DNAH7: variants seen among roughly 807,000 people sequenced by gnomAD.
DNAH7 encodes axonemal beta dynein heavy chain 7.
Under a neutral mutation model 444.6 loss-of-function variants are expected in DNAH7, and 397 were observed. The observed-to-expected ratio is 0.89, with a 90% CI of 0.82 to 0.97. DNAH7 has a LOEUF of 0.97. Among genes scored for constraint, DNAH7 ranks in the 50% least tolerant of loss-of-function variants. The pLI, the probability that DNAH7 is intolerant of heterozygous loss-of-function variation, is 0.00. For synonymous variants in DNAH7, 1,636 were observed against 1,624.4 expected (o/e 1.01, Z -0.17); for missense variants, 4,902 against 4,800.8 (o/e 1.02, Z -0.62).
chr2:195,796,760 T>C (rs1696160787), intron 55 of DNAH7, 23 bp from the exon 56 acceptor site: 4 of 1,580,882 alleles, frequency 2.5e-6, no homozygotes, highest in Non-Finnish European at 3.4e-6. Flanking sequence ...ATAGTAGAGA[T>C]GTTATTTAAA....
At chr2:195,893,304 G>C (rs1314313073) in intron 30 of DNAH7, 1 of 152,300 alleles carries the variant, frequency 6.6e-6, no homozygotes, top group Non-Finnish European at 1.5e-5. Flanking sequence ...GTGCGATCTC[G>C]GCTCACTGCA....
intron 15 of DNAH7, among the ~76,000 whole-genome samples, chr2:195,975,157 C>T (rs1025140678): frequency 6.6e-6 from 1 of 152,186 alleles, no homozygotes; most frequent in Admixed American, 6.5e-5. Flanking sequence ...AGTGAATGAT[C>T]ACAGTACCTG....
rs181023037 is a variant in DNAH7 at position 195,987,946 on chromosome 2, G to A, written c.1626+11C>T. On this transcript the variant is annotated intron_variant, in intron 13 of 64. Coordinates refer to ENST00000312428, the MANE Select transcript of DNAH7 (RefSeq NM_018897.3). ...TAGAGATAACAGTTGCACAAAACTG[G>A]AGTCATTTACCTTTATGGATGTGTA... is the stretch of plus-strand genomic sequence containing the variant. 19 of 1,580,372 alleles carry A rather than the reference G, an allele frequency of 1.2e-5. No homozygotes were observed. The East Asian group carries it at 4.3e-4, about 36-fold the overall frequency.
Position 195,855,877 on chromosome 2 carries a change from G to C in DNAH7, c.8529C>G (p.Asp2843Glu), listed in dbSNP as rs762908929. The change falls in exon 45 of 65, where the codon GAC becomes GAG. Residue 2843 changes from aspartate to glutamate, a missense_variant. Asp to Glu is a conservative substitution (Grantham distance 45). Transcript: ENST00000312428. ...GTGTGTCTTGAAGCCTGGCCAGCTT[G>C]TCCTGAACTTCCTTAAGGGCTGCCT... is the stretch of plus-strand genomic sequence containing the variant. Reference protein sequence around the residue: ...KKQAALKEVQDKLARLQDTLE... With the variant: ...KKQAALKEVQEKLARLQDTLE... 1 of 1,614,034 alleles carries C rather than the reference G, an allele frequency of 6.2e-7. No homozygotes were observed. Among genetic ancestry groups the C allele is most frequent in the East Asian group, 2.2e-5 (1 of 44,878 alleles).
intron 19 of DNAH7, among the ~76,000 whole-genome samples, chr2:195,953,346 G>C (rs1690400664): frequency 6.6e-6 from 1 of 152,154 alleles, no homozygotes; most frequent in Non-Finnish European, 1.5e-5. Flanking sequence ...GCCAGCTGGA[G>C]TTCTCCTGTA....
intron 35 of DNAH7, among the ~76,000 whole-genome samples, chr2:195,882,526 G>A (rs1192723949): frequency 2.0e-5 from 3 of 152,166 alleles, no homozygotes; most frequent in African/African-American, 7.2e-5. Flanking sequence ...GTTCAGTAGT[G>A]TTAACTACGT....
intron 64 of DNAH7, among the ~76,000 whole-genome samples, 165 bp downstream of exon 64, chr2:195,740,601 G>GTA (rs1692944406): frequency 6.4e-5 from 3 of 46,758 alleles, no homozygotes; most frequent in South Asian, 6.1e-4. Context: ...GTGTGTGTGT[G>GTA]TGTGTGTGTG....
intron 31 of DNAH7, 91 bp downstream of exon 31, chr2:195,891,564 C>G (rs1177483645): frequency 8.8e-7 from 1 of 1,140,934 alleles, no homozygotes; most frequent in Non-Finnish European, 1.2e-6. Context: ...TCTATAGATA[C>G]AATTAGTTTG....
At chr2:195,740,088 A>G (rs1692905752) in intron 64 of DNAH7, among the ~76,000 whole-genome samples, 1 of 152,092 alleles carries the variant, frequency 6.6e-6, no homozygotes, top group South Asian at 2.1e-4. Context: ...GGTTCAAGCG[A>G]TTCTCCTGCC....
At chr2:195,952,318 TTCC>T (rs1466848116) in intron 19 of DNAH7, among the ~76,000 whole-genome samples, 1 of 152,212 alleles carries the variant, frequency 6.6e-6, no homozygotes, top group Admixed American at 6.5e-5. Flanking sequence ...TTCAATGGGC[TTCC>T]CTTTGTGGGT....
At chr2:195,984,823 T>C in intron 14 of DNAH7, 113 bp from the exon 15 acceptor site, 4 of 965,752 alleles carry the variant, frequency 4.1e-6, no homozygotes, top group Non-Finnish European at 6.2e-6. Flanking sequence ...AACTATAACT[T>C]AGCTATATGA....
chr2:195,801,476 G>A (rs532373052), intron 54 of DNAH7, among the ~76,000 whole-genome samples: 2 of 152,176 alleles, frequency 1.3e-5, no homozygotes, highest in Admixed American at 6.5e-5. Flanking sequence ...AGAGAACAGC[G>A]ATATCTCAAG....
At chr2:196,050,889 A>G (rs2125861597) in intron 3 of DNAH7, among the ~76,000 whole-genome samples, 1 of 152,360 alleles carries the variant, frequency 6.6e-6, no homozygotes, top group South Asian at 2.1e-4. Context: ...GAGCCATTAG[A>G]GGCAAAGCTT....
At chr2:196,026,160 G>A (rs538849890) in intron 7 of DNAH7, among the ~76,000 whole-genome samples, 14 of 152,292 alleles carry the variant, frequency 9.2e-5, no homozygotes, top group African/African-American at 3.4e-4. Flanking sequence ...TAGCTCAAAA[G>A]CAGCCAGATT....
intron 5 of DNAH7, among the ~76,000 whole-genome samples, chr2:196,030,244 T>C (rs928292865): frequency 6.6e-5 from 10 of 152,206 alleles, no homozygotes; most frequent in African/African-American, 2.2e-4. Flanking sequence ...GGTTTCACCT[T>C]ATCAAACCAT....
intron 46 of DNAH7, among the ~76,000 whole-genome samples, chr2:195,845,431 C>T (rs988821825): frequency 5.9e-5 from 9 of 152,074 alleles, no homozygotes; most frequent in Non-Finnish European, 1.2e-4. Flanking sequence ...AAAATAATTA[C>T]CAATTGTTAT....
At chr2:195,991,653 C>T (rs1693348820) in intron 12 of DNAH7, among the ~76,000 whole-genome samples, 1 of 152,188 alleles carries the variant, frequency 6.6e-6, no homozygotes, top group African/African-American at 2.4e-5. Context: ...TATAAACACA[C>T]ACCTAACACT....
At chr2:195,830,425 G>A (rs1698008412) in intron 48 of DNAH7, among the ~76,000 whole-genome samples, 1 of 152,158 alleles carries the variant, frequency 6.6e-6, no homozygotes, top group South Asian at 2.1e-4. Context: ...TATCCCATGT[G>A]AGACTTCAAA....
intron 48 of DNAH7, among the ~76,000 whole-genome samples, chr2:195,828,478 G>A (rs1053471757): frequency 7.9e-5 from 12 of 151,766 alleles, no homozygotes; most frequent in Non-Finnish European, 1.5e-4. Context: ...CCAGCTACTC[G>A]GGAGGCTGAG....
Sources: gnomAD v4.1 joint callset for allele counts (sites outside exome capture counted in the v4.1 genomes callset) on GRCh38, gnomAD v4.1.1 for gene constraint, MANE v1.5 for transcripts, NCBI Gene and HGNC (gene_info 2026-07-23, HGNC 2026-07-21) for gene names.